Variants in NPHP4 observed in about 807,000 individuals in gnomAD.
NPHP4 encodes the protein nephrocystin 4.
Under a neutral mutation model 155.8 loss-of-function variants are expected in NPHP4, and 151 were observed. The ratio of observed to expected loss-of-function variants is 0.97; its 90% CI spans 0.85 to 1.11. NPHP4 has a LOEUF of 1.11. Among genes scored for constraint, NPHP4 ranks in the 50% least tolerant of loss-of-function variants. The probability of loss-of-function intolerance (pLI) is 0.00; values close to 1 mark genes in which losing one functional copy is unlikely to be tolerated. For missense variants in NPHP4, 1,956 were observed against 1,925.7 expected (o/e 1.02, Z -0.29); for synonymous variants, 845 against 816.8 (o/e 1.03, Z -0.59).
intron 3 of NPHP4, among the ~76,000 whole-genome samples, chr1:5,970,762 C>T (rs920889587): frequency 6.6e-6 from 1 of 152,050 alleles, no homozygotes. Context: ...CTCCTATTAA[C>T]GAGTCATTAC....
intron 9 of NPHP4, among the ~76,000 whole-genome samples, chr1:5,938,526 C>T (rs559365712): frequency 6.6e-6 from 1 of 152,326 alleles, no homozygotes; most frequent in South Asian, 2.1e-4. Flanking sequence ...GGACAGCAAA[C>T]CCGGCAGTGG....
At chr1:5,903,953 A>G (rs2101109066) in intron 16 of NPHP4, among the ~76,000 whole-genome samples, 1 of 152,318 alleles carries the variant, frequency 6.6e-6, no homozygotes, top group East Asian at 1.9e-4. Context: ...AACTCTTGCC[A>G]AAAACAAAAA....
chr1:5,887,152 A>T (rs1026895358), intron 18 of NPHP4, 134 bp downstream of exon 18: 2 of 837,458 alleles, frequency 2.4e-6, no homozygotes, highest in African/African-American at 3.4e-5. Context: ...TCCATGGCCA[A>T]GCTGGTGAGA....
chr1:5,923,913 C>T (rs1645869860), intron 11 of NPHP4, among the ~76,000 whole-genome samples: 1 of 152,178 alleles, frequency 6.6e-6, no homozygotes, highest in Non-Finnish European at 1.5e-5. Flanking sequence ...ATCTATCAAT[C>T]AAAACTGATC....
chr1:5,940,610 AAAT>A lies in NPHP4; in HGVS notation c.1119+6491_1119+6493del, dbSNP rs1471852536. Among the ~76,000 whole-genome samples the A allele has an allele frequency of 8.5e-5, 13 of 152,356 alleles. 1 individual carries two copies. Among genetic ancestry groups the A allele is most frequent in the Non-Finnish European group, 1.6e-4 (11 of 68,036 alleles). ...ACATAAAATGCTAGTAAAATTGCTT[AAAT>A]AATAATGACTGTCTACAAAAACAAA... On this transcript the variant is annotated intron_variant, in intron 9 of 29. Coordinates refer to ENST00000378156, the MANE Select transcript of NPHP4 (RefSeq NM_015102.5).
intron 11 of NPHP4, among the ~76,000 whole-genome samples, chr1:5,911,706 C>A (rs926214538): frequency 2.0e-5 from 3 of 152,112 alleles, no homozygotes; most frequent in Non-Finnish European, 2.9e-5. Flanking sequence ...GAAGCCCAGA[C>A]CCCCAGGGCC....
intron 23 of NPHP4, among the ~76,000 whole-genome samples, chr1:5,869,843 G>T (rs1641816947): frequency 6.6e-6 from 1 of 152,184 alleles, no homozygotes. Context: ...GAGCAGAAAT[G>T]AGAATTACAA....
At chr1:5,865,520 C>T (rs1242931584) in intron 26 of NPHP4, 3 of 450,544 alleles carry the variant, frequency 6.7e-6, no homozygotes. Context: ...ACAGCAGAGG[C>T]TCTCAGGGCG....
At chr1:5,950,332 G>A (rs1323415782) in intron 7 of NPHP4, among the ~76,000 whole-genome samples, 1 of 152,178 alleles carries the variant, frequency 6.6e-6, no homozygotes, top group Non-Finnish European at 1.5e-5. Flanking sequence ...ACCAAGGCAG[G>A]ACCCAAGCCT....
chr1:5,937,924 G>A (rs115888355), intron 9 of NPHP4, among the ~76,000 whole-genome samples: 1 of 152,242 alleles, frequency 6.6e-6, no homozygotes, highest in African/African-American at 2.4e-5. Flanking sequence ...CCTGGGCTGG[G>A]AACACGCGCA....
At chr1:5,945,775 GATCT>G (rs1647056470) in intron 9 of NPHP4, among the ~76,000 whole-genome samples, 1 of 152,176 alleles carries the variant, frequency 6.6e-6, no homozygotes, top group Non-Finnish European at 1.5e-5. Context: ...GAAGTACCCC[GATCT>G]GCAGTTTCAG....
At chr1:5,899,596 C>A (rs1016875595) in intron 16 of NPHP4, among the ~76,000 whole-genome samples, 1 of 152,180 alleles carries the variant, frequency 6.6e-6, no homozygotes, top group Non-Finnish European at 1.5e-5. Context: ...AAAATTTATA[C>A]CTTTTATAAA....
intron 15 of NPHP4, 64 bp from the exon 16 acceptor site, chr1:5,904,868 G>C (rs1644839312): frequency 6.6e-7 from 1 of 1,515,338 alleles, no homozygotes; most frequent in Non-Finnish European, 9.2e-7. Context: ...GGGGTCTAAT[G>C]TGTGTTTGCA....
At chr1:5,924,000 G>C (rs1017696668) in intron 11 of NPHP4, among the ~76,000 whole-genome samples, 1 of 152,154 alleles carries the variant, frequency 6.6e-6, no homozygotes, top group Non-Finnish European at 1.5e-5. Flanking sequence ...AGTTCAAAAA[G>C]CCAGAGGAAA....
chr1:5,957,061 C>T lies in NPHP4; in HGVS notation c.674-4225G>A, dbSNP rs372759121. On this transcript the variant is annotated intron_variant, in intron 6 of 29. Coordinates refer to ENST00000378156, the MANE Select transcript of NPHP4 (RefSeq NM_015102.5). The stretch of plus-strand genomic sequence containing the variant: ...ACTAACCAACCAACAGCAGCAACCA[C>T]GGCAGACATGAACCCCACCGTGGCA... Among the ~76,000 whole-genome samples, 117 of 152,296 alleles carry T rather than the reference C, an allele frequency of 7.7e-4. 4 individuals carry two copies. The South Asian group carries it at 0.023, about 31-fold the overall frequency.
intron 13 of NPHP4, among the ~76,000 whole-genome samples, chr1:5,906,131 G>T (rs1030513185): frequency 1.3e-5 from 2 of 152,216 alleles, no homozygotes; most frequent in African/African-American, 4.8e-5. Flanking sequence ...AGGACCGTGG[G>T]AGATACCTGA....
intron 7 of NPHP4, among the ~76,000 whole-genome samples, chr1:5,948,672 T>A (rs1049939104): frequency 1.4e-5 from 2 of 141,758 alleles, no homozygotes; most frequent in Admixed American, 1.4e-4. Flanking sequence ...CAGAGCCCCC[T>A]TCCCTGGGGC....
intron 11 of NPHP4, among the ~76,000 whole-genome samples, chr1:5,925,558 G>C (rs1192564443): frequency 2.0e-5 from 3 of 152,122 alleles, no homozygotes; most frequent in East Asian, 3.9e-4. Flanking sequence ...ATGTCAAAGA[G>C]TGTATGTCAA....
Position 5,863,890 on chromosome 1 carries a change from C to T in NPHP4, c.4140G>A (p.Gln1380=). The change falls in exon 29 of 30, where the codon CAG becomes CAA. Residue 1380 remains glutamine, a splice_region_variant and synonymous_variant. Coordinates refer to ENST00000378156, the MANE Select transcript of NPHP4 (RefSeq NM_015102.5). ...ELLRFREDSF[Q]VGGGETYTIG... ...AGTCCCAGGCACAGCCCCACCACAC[C>T]TGGAAGGAGTCCTCTCTGAACCGCA... The T allele has an allele frequency of 6.2e-7, 1 of 1,613,902 alleles. No individual in the cohort carries two copies. Among genetic ancestry groups the T allele is most frequent in the Non-Finnish European group, 8.5e-7 (1 of 1,179,884 alleles).
Sources: allele counts gnomAD v4.1 joint callset (sites outside exome capture counted in the v4.1 genomes callset), GRCh38; gene constraint gnomAD v4.1.1; transcripts MANE v1.5; gene names NCBI Gene and HGNC (gene_info 2026-07-23, HGNC 2026-07-21).